Variants in TNPO3 observed in about 807,000 individuals in gnomAD.
The protein encoded by TNPO3 is transportin 3, also known as transportin-3.
TNPO3 carries 65 observed loss-of-function variants against 122.8 expected under a neutral mutation model. The observed-to-expected ratio is 0.53, with a 90% CI of 0.43 to 0.65. TNPO3 has a LOEUF of 0.65. Among genes scored for constraint, TNPO3 ranks in the 30% least tolerant of loss-of-function variants. The pLI is 0.00. For missense variants in TNPO3, 850 were observed against 1,136.7 expected (o/e 0.75, Z 3.63); for synonymous variants, 372 against 411.2 (o/e 0.90, Z 1.15).
chr7:129,003,234 A>G (rs1193827774), intron 5 of TNPO3, among the ~76,000 whole-genome samples: 1 of 151,272 alleles, frequency 6.6e-6, no homozygotes, highest in Admixed American at 6.6e-5. Flanking sequence ...TCAAAAATAA[A>G]TAAATAAATA....
intron 11 of TNPO3, among the ~76,000 whole-genome samples, chr7:128,989,063 C>T (rs1006982913): frequency 5.3e-5 from 8 of 151,768 alleles, no homozygotes; most frequent in African/African-American, 1.9e-4. Flanking sequence ...GGCAACAGAG[C>T]GAGACTCTAT....
chr7:129,002,361 C>G (rs1406109890), intron 5 of TNPO3, among the ~76,000 whole-genome samples: 1 of 152,132 alleles, frequency 6.6e-6, no homozygotes, highest in Non-Finnish European at 1.5e-5. Flanking sequence ...ACAACTGATG[C>G]AAATCAGAGC....
rs138523810 is a variant in TNPO3 at position 129,013,966 on chromosome 7, GA to G, written c.552+1012del. On this transcript the variant is annotated intron_variant, in intron 4 of 22. Coordinates refer to ENST00000265388, the MANE Select transcript of TNPO3 (RefSeq NM_012470.4). ...TAGAATGACGGTGATCAGAGGCTAG[GA>G]AGGGTAACGGGGAGGGGACGACCAA... 5.3e-3 allele frequency among the ~76,000 whole-genome samples: 812 copies of G among 152,282 alleles called. 7 individuals are homozygous for G. Among genetic ancestry groups the G allele is most frequent in the African/African-American group, 0.019 (784 of 41,554 alleles).
At chr7:128,995,826 G>A (rs541968010) in intron 8 of TNPO3, among the ~76,000 whole-genome samples, 1 of 152,312 alleles carries the variant, frequency 6.6e-6, no homozygotes, top group South Asian at 2.1e-4. Context: ...AGCCTCCTGA[G>A]TAGCTGGGAT....
At chr7:128,968,284 C>T (rs1202011797) in intron 20 of TNPO3, among the ~76,000 whole-genome samples, 1 of 152,124 alleles carries the variant, frequency 6.6e-6, no homozygotes, top group Non-Finnish European at 1.5e-5. Context: ...TGTTAAAAAA[C>T]CTTGCTCTTG....
At chr7:128,993,781 T>C (rs976443806) in intron 9 of TNPO3, 26 bp downstream of exon 9, 5 of 1,585,882 alleles carry the variant, frequency 3.2e-6, no homozygotes, top group African/African-American at 2.7e-5. Flanking sequence ...CTAGTAAAAC[T>C]GGAAACAATC....
chr7:129,031,055 C>T (rs748172965), intron 1 of TNPO3, among the ~76,000 whole-genome samples: 33 of 152,154 alleles, frequency 2.2e-4, no homozygotes, highest in Non-Finnish European at 4.3e-4. Context: ...GACGCCAAGG[C>T]GGGCAGATCA....
intron 1 of TNPO3, among the ~76,000 whole-genome samples, chr7:129,033,832 G>C (rs1806236471): frequency 6.7e-6 from 1 of 149,750 alleles, no homozygotes; most frequent in African/African-American, 2.5e-5. Context: ...AGAATCACTT[G>C]AACTCGGGAG....
At chr7:128,978,151 G>A (rs1799261288) in intron 16 of TNPO3, among the ~76,000 whole-genome samples, 1 of 152,210 alleles carries the variant, frequency 6.6e-6, no homozygotes, top group African/African-American at 2.4e-5. Context: ...CTGCTCTAAG[G>A]TTAACATCAA....
chr7:128,980,655 A>C (rs1305262134), intron 14 of TNPO3, among the ~76,000 whole-genome samples: 1 of 152,152 alleles, frequency 6.6e-6, no homozygotes, highest in Non-Finnish European at 1.5e-5. Context: ...ACACCATTGT[A>C]CTCCGGCCTG....
chr7:128,960,016 G>A (rs998691804), intron 21 of TNPO3, among the ~76,000 whole-genome samples: 10 of 152,204 alleles, frequency 6.6e-5, no homozygotes, highest in South Asian at 4.1e-4. Context: ...GCAAGACTCC[G>A]TCTCAAAAAA....
chr7:129,007,740 A>G (rs1403470747), intron 4 of TNPO3, among the ~76,000 whole-genome samples: 1 of 152,256 alleles, frequency 6.6e-6, no homozygotes, highest in African/African-American at 2.4e-5. Flanking sequence ...AGAGAAATTA[A>G]CCACGTAACT....
At chr7:128,990,989 C>T (rs1292310840) in intron 10 of TNPO3, among the ~76,000 whole-genome samples, 1 of 151,964 alleles carries the variant, frequency 6.6e-6, no homozygotes, top group Non-Finnish European at 1.5e-5. Context: ...AAAAAAATAT[C>T]AAATCTCTCA....
intron 4 of TNPO3, among the ~76,000 whole-genome samples, chr7:129,013,388 C>T (rs1803445149): frequency 7.0e-6 from 1 of 143,014 alleles, no homozygotes; most frequent in Non-Finnish European, 1.5e-5. Context: ...ACTACCCATC[C>T]AACAAGAGAT....
intron 5 of TNPO3, among the ~76,000 whole-genome samples, chr7:129,004,217 TA>T (rs1802324982): frequency 6.6e-6 from 1 of 152,210 alleles, no homozygotes; most frequent in African/African-American, 2.4e-5. Flanking sequence ...AGCATCATGG[TA>T]CTATCTTCTG....
chr7:129,038,337 C>T lies in TNPO3; in HGVS notation c.120+16314G>A, dbSNP rs759591502. ...TGGACAAAGCAAAAAATAACAGATG[C>T]TGGTGAGGTTGCAGAGAAAAAGAAA... On this transcript the variant is annotated intron_variant, in intron 1 of 22. Coordinates refer to ENST00000265388, the MANE Select transcript of TNPO3 (RefSeq NM_012470.4). 2.0e-5 allele frequency among the ~76,000 whole-genome samples: 3 copies of T among 151,972 alleles called. No homozygotes were observed. In the South Asian group the frequency reaches 6.2e-4, roughly 32 times the overall value.
chr7:129,031,006 G>A (rs114173798), intron 1 of TNPO3, among the ~76,000 whole-genome samples: 80 of 152,282 alleles, frequency 5.3e-4, no homozygotes, highest in African/African-American at 1.9e-3. Flanking sequence ...AGAGAGAGCC[G>A]GGTGCAGTGG....
At position 128,974,743 on chromosome 7, in the gene TNPO3, T is replaced by C; in HGVS notation, c.2273+125A>G. ...CAGCTTGCAATTTACCTTTGGGTTATGAATCATTAATCTACTTACTCCAGT... is the reference window on the plus strand; with the variant it reads ...CAGCTTGCAATTTACCTTTGGGTTACGAATCATTAATCTACTTACTCCAGT... On this transcript the variant is annotated intron_variant, in intron 18 of 22. Transcript: ENST00000265388. 8.8e-6 allele frequency: 7 copies of C among 791,012 alleles called. 1 individual carries two copies. Among genetic ancestry groups the C allele is most frequent in the South Asian group, 8.1e-5 (5 of 61,812 alleles). The allele number at this position is 791,012 out of a possible 1,614,324, so 49.0% of individuals were successfully genotyped here.
chr7:129,053,239 C>A (rs1809002697), intron 1 of TNPO3, among the ~76,000 whole-genome samples: 1 of 151,898 alleles, frequency 6.6e-6, no homozygotes, highest in South Asian at 2.1e-4. Flanking sequence ...ACAGGAGAAT[C>A]ACTTGAACCT....
Sources: allele counts gnomAD v4.1 joint callset (sites outside exome capture counted in the v4.1 genomes callset), GRCh38; gene constraint gnomAD v4.1.1; transcripts MANE v1.5; gene names NCBI Gene and HGNC (gene_info 2026-07-23, HGNC 2026-07-21).